Variants in MEGF11 observed in about 807,000 individuals in gnomAD.
MEGF11 encodes the protein multiple epidermal growth factor-like domains protein 11.
In MEGF11, 126 loss-of-function variants were observed where a neutral mutation model predicts 146.6. That is an observed-to-expected ratio of 0.86 (90% CI 0.74 to 1.00). The LOEUF is 1.00. MEGF11 is among the 50% of genes least tolerant of loss of function. The pLI is 0.00. For synonymous variants in MEGF11, 532 were observed against 583.4 expected (o/e 0.91, Z 1.27); for missense variants, 1,509 against 1,521.2 (o/e 0.99, Z 0.13).
At chr15:66,032,899 G>A (rs572435450) in intron 5 of MEGF11, among the ~76,000 whole-genome samples, 1 of 152,178 alleles carries the variant, frequency 6.6e-6, no homozygotes, top group African/African-American at 2.4e-5. Context: ...GGCTAACACG[G>A]TGAAACCCCA....
chr15:66,009,686 G>A (rs751761494), intron 5 of MEGF11, among the ~76,000 whole-genome samples: 70 of 151,412 alleles, frequency 4.6e-4, no homozygotes, highest in Admixed American at 7.9e-4. Flanking sequence ...TCCACCTCCC[G>A]GGTTCACGCC....
intron 1 of MEGF11, among the ~76,000 whole-genome samples, chr15:66,250,065 G>T (rs1344755235): frequency 6.6e-6 from 1 of 152,186 alleles, no homozygotes; most frequent in African/African-American, 2.4e-5. Context: ...AACAGCTGTG[G>T]ATGCTGGAAT....
chr15:65,904,209 G>A lies in MEGF11; in HGVS notation c.3055+1876C>T, dbSNP rs544872315. On this transcript the variant is annotated intron_variant, in intron 24 of 25. Transcript: ENST00000395614. Reference sequence around the variant, plus strand: ...GAGTTTATTCATGCTTGAGTCATGCGTGTTCTTCAGCTAGAAAGGCCCTTA... The same window carrying A: ...GAGTTTATTCATGCTTGAGTCATGCATGTTCTTCAGCTAGAAAGGCCCTTA... Among the ~76,000 whole-genome samples the A allele has an allele frequency of 3.3e-5, 5 of 152,290 alleles. No homozygotes were observed. In the South Asian group the frequency reaches 6.2e-4, roughly 19 times the overall value.
intron 1 of MEGF11, among the ~76,000 whole-genome samples, chr15:66,250,771 G>C (rs1194935452): frequency 1.3e-5 from 2 of 152,082 alleles, no homozygotes; most frequent in South Asian, 2.1e-4. Context: ...GCCTGGCATG[G>C]TGGCCCACAC....
At chr15:66,111,512 T>C (rs888212853) in intron 4 of MEGF11, among the ~76,000 whole-genome samples, 1 of 152,242 alleles carries the variant, frequency 6.6e-6, no homozygotes, top group Non-Finnish European at 1.5e-5. Context: ...GAATGTGAGA[T>C]GCTGAAGCCA....
At chr15:66,005,361 C>T (rs2082488584) in intron 5 of MEGF11, among the ~76,000 whole-genome samples, 1 of 152,168 alleles carries the variant, frequency 6.6e-6, no homozygotes, top group Non-Finnish European at 1.5e-5. Context: ...GTCTCTGATT[C>T]TTCATCTGCC....
intron 19 of MEGF11, 25 bp downstream of exon 19, chr15:65,915,445 C>A (rs762279538): frequency 6.2e-7 from 1 of 1,611,416 alleles, no homozygotes; most frequent in Non-Finnish European, 8.5e-7. Context: ...CCACAGACCC[C>A]GGGGCTCTGC....
chr15:66,196,487 T>C (rs2899712), intron 1 of MEGF11, among the ~76,000 whole-genome samples: 60,834 of 151,488 alleles, frequency 0.4, 12,656 homozygotes, highest in East Asian at 0.61. Context: ...AAAAAGTTGG[T>C]GGTGGTGAGG....
At chr15:66,035,864 TTA>T (rs902188854) in intron 5 of MEGF11, among the ~76,000 whole-genome samples, 44 of 152,356 alleles carry the variant, frequency 2.9e-4, no homozygotes, top group African/African-American at 1.1e-3. Context: ...TCAATATATA[TTA>T]TAGTTTTGCA....
intron 5 of MEGF11, among the ~76,000 whole-genome samples, chr15:66,055,165 G>A (rs1014732816): frequency 2.0e-5 from 3 of 152,136 alleles, no homozygotes; most frequent in Non-Finnish European, 4.4e-5. Flanking sequence ...GACAAGATTC[G>A]TGGTCAAACT....
At chr15:65,907,180 G>A (rs961647182) in intron 23 of MEGF11, among the ~76,000 whole-genome samples, 15 of 152,164 alleles carry the variant, frequency 9.9e-5, no homozygotes, top group African/African-American at 3.1e-4. Flanking sequence ...GCTCCTCTAC[G>A]TAGAGTTCCC....
chr15:66,058,421 T>A (rs753441151), intron 5 of MEGF11, among the ~76,000 whole-genome samples: 1 of 152,164 alleles, frequency 6.6e-6, no homozygotes, highest in African/African-American at 2.4e-5. Context: ...CCAAAAGGCC[T>A]ACTTAGGCTA....
intron 5 of MEGF11, among the ~76,000 whole-genome samples, chr15:66,027,526 C>A (rs1406742814): frequency 6.6e-6 from 1 of 152,202 alleles, no homozygotes; most frequent in African/African-American, 2.4e-5. Context: ...AATGGCCAAG[C>A]CCCAGCTTTC....
At chr15:66,233,109 C>A (rs1223196574) in intron 1 of MEGF11, among the ~76,000 whole-genome samples, 2 of 152,216 alleles carry the variant, frequency 1.3e-5, no homozygotes, top group Non-Finnish European at 2.9e-5. Flanking sequence ...AAGCAGCGTG[C>A]TCATATCACT....
At chr15:66,026,545 G>A (rs1271749455) in intron 5 of MEGF11, among the ~76,000 whole-genome samples, 2 of 152,120 alleles carry the variant, frequency 1.3e-5, no homozygotes, top group Non-Finnish European at 2.9e-5. Context: ...GTGCAGTGGC[G>A]CGATCTTGGC....
At chr15:66,015,832 C>G (rs2082866557) in intron 5 of MEGF11, among the ~76,000 whole-genome samples, 1 of 151,856 alleles carries the variant, frequency 6.6e-6, no homozygotes, top group Non-Finnish European at 1.5e-5. Flanking sequence ...TGAGAAGATT[C>G]CACCTTTCCC....
chr15:65,976,997 G>C (rs111895436), intron 7 of MEGF11, among the ~76,000 whole-genome samples: 1 of 151,872 alleles, frequency 6.6e-6, no homozygotes. Context: ...GTGAAACCCC[G>C]TCTCTACTGA....
rs185570451 is a variant in MEGF11 at position 66,127,755 on chromosome 15, C to G, written c.98+551G>C. Among the ~76,000 whole-genome samples the G allele has an allele frequency of 1.4e-4, 22 of 152,256 alleles. No homozygotes were observed. In the East Asian group the frequency reaches 3.1e-3, roughly 21 times the overall value. ...ATTCCCCCAGGACCTAGCGCCGCAGCTGGAATGCAGCCCGCTCTTCCGCTG... is the reference window on the plus strand; with the variant it reads ...ATTCCCCCAGGACCTAGCGCCGCAGGTGGAATGCAGCCCGCTCTTCCGCTG... On this transcript the variant is annotated intron_variant, in intron 2 of 25. Transcript: ENST00000395614.
At chr15:66,182,249 AG>A (rs2090569346) in intron 1 of MEGF11, among the ~76,000 whole-genome samples, 1 of 152,154 alleles carries the variant, frequency 6.6e-6, no homozygotes, top group African/African-American at 2.4e-5. Context: ...ACAAGCCCTG[AG>A]ATTCCTCTGA....
Sources: allele counts gnomAD v4.1 joint callset (sites outside exome capture counted in the v4.1 genomes callset), GRCh38; gene constraint gnomAD v4.1.1; transcripts MANE v1.5; gene names NCBI Gene and HGNC (gene_info 2026-07-23, HGNC 2026-07-21).